ARHGEF11: variants seen among roughly 807,000 people sequenced by gnomAD.
ARHGEF11 encodes Rho guanine exchange factor (GEF) 11.
In ARHGEF11, 55 loss-of-function variants were observed where a neutral mutation model predicts 193.7. The observed-to-expected ratio is 0.28, with a 90% CI of 0.23 to 0.36. The LOEUF (loss-of-function observed/expected upper bound fraction) is 0.36. Ranked by LOEUF, ARHGEF11 falls within the 10% of genes least tolerant of loss-of-function variation. The pLI is 1.00. For missense variants in ARHGEF11, 1,723 were observed against 2,005.6 expected, an observed-to-expected ratio of 0.86 and a Z score of 2.69; for synonymous variants, 693 against 768.0, an observed-to-expected ratio of 0.90 and a Z score of 1.62.
Position 156,940,253 on chromosome 1 carries a change from T to C in ARHGEF11, c.3687A>G (p.Pro1229=). The part of the protein sequence containing the change: ...RTRNPIHLAF[P]GPLFMEGLAD... ...CGAGCCCTTCCATGAACAGAGGGCCTGGGAAGGCCAAGTGGATGGGGTTCC... is the reference window on the plus strand; with the variant it reads ...CGAGCCCTTCCATGAACAGAGGGCCCGGGAAGGCCAAGTGGATGGGGTTCC... The change falls in exon 36 of 41, where the codon CCA becomes CCG. Residue 1229 remains proline, a synonymous_variant. Transcript: ENST00000368194. 1 of 1,609,496 alleles carries C rather than the reference T, an allele frequency of 6.2e-7. No individual in the cohort carries two copies. The highest frequency in any genetic ancestry group is 8.5e-7 in the Non-Finnish European group (1 of 1,176,778).
intron 1 of ARHGEF11, among the ~76,000 whole-genome samples, chr1:157,025,529 T>C (rs1348311991): frequency 6.6e-6 from 1 of 152,194 alleles, no homozygotes; most frequent in Non-Finnish European, 1.5e-5. Context: ...CACATCTTCC[T>C]GAACATGCGG....
At position 156,942,750 on chromosome 1, in the gene ARHGEF11, G is replaced by C; in HGVS notation, c.3266C>G (p.Ser1089Cys). The C allele has an allele frequency of 6.2e-7, 1 of 1,614,180 alleles. No individual in the cohort carries two copies. The highest frequency in any genetic ancestry group is 8.5e-7 in the Non-Finnish European group (1 of 1,179,988). ...ATAGATCTGGGGTGGGCCCAGCTTG[G>C]AGGTGCAGATGATGAAGAAGGCCCG... ...DKRAFFIICT[S>C]KLGPPQIYEL... Residue 1089 changes from serine to cysteine, a missense_variant, in exon 33 of 41, where the codon TCC becomes TGC. Around this residue, in one of 5 missense-constraint regions of ARHGEF11, gnomAD observed 23 missense variants for 58.7 expected, o/e 0.39. Transcript: ENST00000368194.
At chr1:156,991,710 A>ATT (rs57140356) in intron 1 of ARHGEF11, among the ~76,000 whole-genome samples, 4,108 of 83,774 alleles carry the variant, frequency 0.049, 246 homozygotes, top group African/African-American at 0.062. Context: ...TTTCAAGCTT[A>ATT]TTTTTTTTTT....
Position 156,948,881 on chromosome 1 carries a change from A to G in ARHGEF11, c.1926-383T>C, listed in dbSNP as rs570105365. 2 of 985,390 alleles carry G rather than the reference A, an allele frequency of 2.0e-6. No individual in the cohort carries two copies. Among genetic ancestry groups the G allele is most frequent in the Admixed American group, 6.1e-5 (1 of 16,276 alleles). 61.0% of individuals were successfully genotyped at this position (985,390 alleles called of 1,614,324 possible). A position where few individuals can be genotyped will look rare whatever the true frequency, so the allele number is the denominator to read the frequency against. On this transcript the variant is annotated intron_variant, in intron 22 of 40. Coordinates refer to ENST00000368194, the MANE Select transcript of ARHGEF11 (RefSeq NM_198236.3). The surrounding 1 kb of genome is among the most constrained non-coding windows in gnomAD (Gnocchi z 4.2). ...TCATCGTCCCTCAACAGGGAACACA[A>G]GGTCCCAGCTCCCTGCCCCTAGTGG...
chr1:157,033,433 G>A (rs1228728341), intron 1 of ARHGEF11, among the ~76,000 whole-genome samples: 2 of 152,000 alleles, frequency 1.3e-5, no homozygotes, highest in African/African-American at 2.4e-5. Context: ...TTCATCTCTT[G>A]TCAAGGTTAC....
In ARHGEF11 at chr1:157,044,303, C is replaced by G. The variant is rs1413305631; in HGVS notation, c.28G>C (p.Asp10His). 2 of 1,613,470 alleles carry G rather than the reference C, an allele frequency of 1.2e-6. No homozygotes were observed. The highest frequency in any genetic ancestry group is 4.5e-5 in the East Asian group (2 of 44,842). Residue 10 changes from aspartate (D) to histidine (H), a missense_variant, in exon 1 of 41, where the codon GAC becomes CAC. Asp to His is a moderately conservative substitution (Grantham distance 81, BLOSUM62 -1). This residue lies in a region of ARHGEF11 where 646 missense variants were observed against 710.7 expected (regional missense o/e 0.91). Transcript: ENST00000368194. MSVRLPQSIDRLSSLSSLGD... is the reference protein window; with the variant it reads MSVRLPQSIHRLSSLSSLGD... ...TCAAATTATTAGCAAACCTACCTGTCTATACTCTGGGGTAACCTTACACTC... is the reference window on the plus strand; with the variant it reads ...TCAAATTATTAGCAAACCTACCTGTGTATACTCTGGGGTAACCTTACACTC...
rs376380091 is a variant in ARHGEF11, at chr1:156,959,086, C to T, written c.1339G>A (p.Ala447Thr). 103 of 1,614,204 alleles carry T rather than the reference C, an allele frequency of 6.4e-5. No individual in the cohort carries two copies. Among genetic ancestry groups the T allele is most frequent in the Non-Finnish European group, 8.3e-5 (98 of 1,180,036 alleles). The change falls in exon 16 of 41, where the codon GCA becomes ACA. Residue 447 changes from alanine to threonine, a missense_variant. By Grantham distance (58) the Ala-to-Thr change is moderately conservative. This residue lies in a region of ARHGEF11 where 646 missense variants were observed against 710.7 expected (regional missense o/e 0.91). Coordinates refer to ENST00000368194, the MANE Select transcript of ARHGEF11 (RefSeq NM_198236.3). ...ARGVLCEAQE[A>T]AMPEIQEQIH... ...TGCTCTTGGATCTCAGGCATGGCTG[C>T]CTCTTGAGCTTCACAGAGAACACCA...
chr1:156,969,746 G>A (rs1490563782), intron 9 of ARHGEF11, among the ~76,000 whole-genome samples: 1 of 152,234 alleles, frequency 6.6e-6, no homozygotes, highest in Non-Finnish European at 1.5e-5. Flanking sequence ...GCAAGCTGCT[G>A]TCTGGACCAT....
At chr1:157,018,078 C>T (rs1161079078) in intron 1 of ARHGEF11, among the ~76,000 whole-genome samples, 4 of 152,020 alleles carry the variant, frequency 2.6e-5, no homozygotes, top group Non-Finnish European at 4.4e-5. Flanking sequence ...TAATTAAATA[C>T]TACCAGTTAA....
In ARHGEF11 at chr1:156,961,668, C is replaced by T; in HGVS notation, c.1239+9G>A. The stretch of plus-strand genomic sequence containing the variant: ...GATAAAATTATAATCCAATCTATGA[C>T]TGCCTTACCGCATTTTTCTCCAGGA... On this transcript the variant is annotated intron_variant, in intron 14 of 40. Coordinates refer to ENST00000368194, the MANE Select transcript of ARHGEF11 (RefSeq NM_198236.3). 1 of 1,612,258 alleles carries T rather than the reference C, an allele frequency of 6.2e-7. No individual in the cohort carries two copies. The highest frequency in any genetic ancestry group is 8.5e-7 in the Non-Finnish European group (1 of 1,178,282).
At chr1:157,035,619 G>A (rs1209674466) in intron 1 of ARHGEF11, among the ~76,000 whole-genome samples, 1 of 151,444 alleles carries the variant, frequency 6.6e-6, no homozygotes, top group Non-Finnish European at 1.5e-5. Context: ...TGGTCAGGCT[G>A]GTACAAATTA....
At chr1:156,985,863 G>C in intron 2 of ARHGEF11, 1 of 464,828 alleles carries the variant, frequency 2.2e-6, no homozygotes, top group Non-Finnish European at 3.9e-6. Flanking sequence ...TCTGACCTGG[G>C]TCAGTTCACC....
intron 1 of ARHGEF11, among the ~76,000 whole-genome samples, chr1:157,036,114 AAT>A (rs977192160): frequency 3.1e-4 from 45 of 144,040 alleles, no homozygotes; most frequent in East Asian, 1.4e-3. Context: ...AATATATATG[AAT>A]ATATATATGA....
At chr1:156,942,638 C>T in intron 33 of ARHGEF11, 52 bp downstream of exon 33, 1 of 1,556,432 alleles carries the variant, frequency 6.4e-7, no homozygotes, top group Non-Finnish European at 8.8e-7. Context: ...ATAAACACCA[C>T]CCTGGTCCGA....
chr1:156,984,558 C>G, intron 2 of ARHGEF11, 121 bp from the exon 3 acceptor site: 1 of 659,822 alleles, frequency 1.5e-6, no homozygotes, highest in Admixed American at 2.6e-5. Context: ...TCACACTAAA[C>G]AAATTCCCTA....
intron 1 of ARHGEF11, among the ~76,000 whole-genome samples, chr1:157,014,366 T>A (rs1668942812): frequency 2.0e-5 from 3 of 152,064 alleles, no homozygotes; most frequent in Admixed American, 2.0e-4. Flanking sequence ...TATTGGCTCT[T>A]TCTCCTCAGC....
chr1:157,027,244 C>T (rs1490457665), intron 1 of ARHGEF11, among the ~76,000 whole-genome samples: 1 of 151,980 alleles, frequency 6.6e-6, no homozygotes, highest in South Asian at 2.1e-4. Context: ...TAGCCGAGTG[C>T]GGTGGCACAT....
At position 156,959,116 on chromosome 1, in the gene ARHGEF11, C is replaced by A; in HGVS notation, c.1309G>T (p.Ala437Ser). The change falls in exon 16 of 41, where the codon GCC becomes TCC. Residue 437 changes from alanine to serine, a missense_variant. Ala to Ser is a moderately conservative substitution (Grantham distance 99). This residue lies in a region of ARHGEF11 where 646 missense variants were observed against 710.7 expected (regional missense o/e 0.91). Transcript: ENST00000368194. ...IDSRLRNSED[A>S]RGVLCEAQEA... ...TGAGCTTCACAGAGAACACCACGGG[C>A]ATCTTCGCTGTTCCGCAGGCGCGAG... 6.2e-7 allele frequency: 1 copy of A among 1,614,204 alleles called. No individual in the cohort carries two copies. The highest frequency in any genetic ancestry group is 8.5e-7 in the Non-Finnish European group (1 of 1,180,040).
At chr1:157,016,711 T>C (rs934971524) in intron 1 of ARHGEF11, among the ~76,000 whole-genome samples, 29 of 152,338 alleles carry the variant, frequency 1.9e-4, no homozygotes, top group African/African-American at 6.3e-4. Flanking sequence ...TGTAGGAGTG[T>C]AGACAAAATG....
Sources: allele counts gnomAD v4.1 joint callset (sites outside exome capture counted in the v4.1 genomes callset), GRCh38; gene constraint gnomAD v4.1.1; regional missense constraint gnomAD v4.1.1; non-coding constraint Gnocchi (gnomAD v3.1); transcripts MANE v1.5; gene names NCBI Gene and HGNC (gene_info 2026-07-23, HGNC 2026-07-21).